DNAJC5: variants seen among roughly 807,000 people sequenced by gnomAD.
The protein encoded by DNAJC5 is DnaJ heat shock protein family (Hsp40) member C5, also known as dnaJ homolog subfamily C member 5.
DNAJC5 carries 1 observed loss-of-function variant against 23.2 expected under a neutral mutation model. The observed-to-expected ratio is 0.04, with a 90% CI of 0.02 to 0.20. The LOEUF is 0.20. Ranked by LOEUF, DNAJC5 falls within the 10% of genes least tolerant of loss-of-function variation. The pLI is 1.00. For missense variants in DNAJC5, 180 were observed against 267.0 expected, an observed-to-expected ratio of 0.67 and a Z score of 2.27; for synonymous variants, 136 against 120.0, an observed-to-expected ratio of 1.13 and a Z score of -0.87.
chr20:63,931,779 GT>G lies in DNAJC5; in HGVS notation c.*218del, dbSNP rs915166976. The G allele has an allele frequency of 3.1e-5, 19 of 614,648 alleles. No individual in the cohort carries two copies. Among genetic ancestry groups the G allele is most frequent in the South Asian group, 2.2e-4 (12 of 54,316 alleles). 38.1% of individuals were successfully genotyped at this position (614,648 alleles called of 1,614,324 possible). Reference sequence around the variant, plus strand: ...TAAAGCAGTGTAGCTACGGTCTTCTGTTTTTTTCCCTTTTTTAATAGCATGT... The same window carrying G: ...TAAAGCAGTGTAGCTACGGTCTTCTGTTTTTTCCCTTTTTTAATAGCATGT... On this transcript the variant is annotated 3_prime_UTR_variant, in exon 5 of 5. Transcript: ENST00000360864. This position sits in a 1 kb window ranked among gnomAD's most constrained non-coding sequence, Gnocchi z 9.6.
At chr20:63,919,462 C>T (rs1364616749) in intron 1 of DNAJC5, 1 of 497,520 alleles carries the variant, frequency 2.0e-6, no homozygotes, top group Non-Finnish European at 4.0e-6. Context: ...GGACATGTGC[C>T]CAGGGCCCGG....
chr20:63,913,732 G>C (rs6062578), intron 1 of DNAJC5, among the ~76,000 whole-genome samples: 52,050 of 151,594 alleles, frequency 0.34, 10,612 homozygotes, highest in East Asian at 0.81. Flanking sequence ...GGGCACCTAC[G>C]ACCACGCCCA....
chr20:63,909,958 T>A (rs1272241282), intron 1 of DNAJC5, among the ~76,000 whole-genome samples: 1 of 152,216 alleles, frequency 6.6e-6, no homozygotes, highest in Non-Finnish European at 1.5e-5. Flanking sequence ...TCTTTCATAT[T>A]TGGGACTGTG....
intron 1 of DNAJC5, among the ~76,000 whole-genome samples, chr20:63,919,014 G>A (rs1252333147): frequency 6.6e-6 from 1 of 152,220 alleles, no homozygotes; most frequent in Admixed American, 6.5e-5. Flanking sequence ...GTTGGCCACA[G>A]TTTTTCCCCA....
intron 1 of DNAJC5, among the ~76,000 whole-genome samples, chr20:63,911,529 C>T (rs1297780993): frequency 6.6e-6 from 1 of 152,162 alleles, no homozygotes. Flanking sequence ...TACTTGGATG[C>T]TTGGTGATGG....
chr20:63,900,986 A>T (rs1295612142), intron 1 of DNAJC5, among the ~76,000 whole-genome samples: 1 of 152,176 alleles, frequency 6.6e-6, no homozygotes, highest in African/African-American at 2.4e-5. Flanking sequence ...TTTGTTTGAG[A>T]CGGAGTCTCG....
At position 63,931,251 on chromosome 20, in the gene DNAJC5, C is replaced by T. The variant is rs539130229; in HGVS notation, c.494-214C>T. On this transcript the variant is annotated intron_variant, in intron 4 of 4. Coordinates refer to ENST00000360864, the MANE Select transcript of DNAJC5 (RefSeq NM_025219.3). The surrounding 1 kb of genome is among the most constrained non-coding windows in gnomAD (Gnocchi z 9.6). ...GCCGTAGATCCCAGGGACTGCGAGGCGGGGCAGGGCGGCAGGCAGTTGGGG... is the reference window on the plus strand; with the variant it reads ...GCCGTAGATCCCAGGGACTGCGAGGTGGGGCAGGGCGGCAGGCAGTTGGGG... The T allele has an allele frequency of 1.2e-4, 92 of 777,052 alleles. No homozygotes were observed. Among genetic ancestry groups the T allele is most frequent in the Non-Finnish European group, 1.6e-4 (74 of 457,190 alleles). 48.1% of individuals were successfully genotyped at this position (777,052 alleles called of 1,614,324 possible). A position where few individuals can be genotyped will look rare whatever the true frequency, so the allele number is the denominator to read the frequency against.
chr20:63,920,282 CAG>C lies in DNAJC5; in HGVS notation c.-11-8052_-11-8051del, dbSNP rs937753520. 7.2e-5 allele frequency among the ~76,000 whole-genome samples: 11 copies of C among 152,348 alleles called. No individual in the cohort carries two copies. The highest frequency in any genetic ancestry group is 1.9e-4 in the African/African-American group (8 of 41,584). On this transcript the variant is annotated intron_variant, in intron 1 of 4. Coordinates refer to ENST00000360864, the MANE Select transcript of DNAJC5 (RefSeq NM_025219.3). This position sits in a 1 kb window ranked among gnomAD's most constrained non-coding sequence, Gnocchi z 4.6. ...GGTGTTGAAGAGACGGCAGGTGCGT[CAG>C]GGGCTGACGTGGGACCCGGCACTCT... is the stretch of plus-strand genomic sequence containing the variant.
intron 1 of DNAJC5, among the ~76,000 whole-genome samples, chr20:63,913,129 T>C (rs1373806494): frequency 1.3e-5 from 1 of 79,810 alleles, no homozygotes; most frequent in Non-Finnish European, 2.2e-5. Context: ...TGGTGCCTTC[T>C]TTGCAGTTCC....
chr20:63,911,498 G>A (rs904080563), intron 1 of DNAJC5, among the ~76,000 whole-genome samples: 2 of 152,176 alleles, frequency 1.3e-5, no homozygotes, highest in African/African-American at 4.8e-5. Context: ...CATGGCTCCA[G>A]CTCAGATTCA....
At chr20:63,927,214 A>C (rs1262410400) in intron 1 of DNAJC5, among the ~76,000 whole-genome samples, 1 of 151,640 alleles carries the variant, frequency 6.6e-6, no homozygotes, top group African/African-American at 2.4e-5. Context: ...AGTTAGAAAC[A>C]ATGTAGAAAC....
At chr20:63,926,117 G>A (rs190357766) in intron 1 of DNAJC5, among the ~76,000 whole-genome samples, 20 of 152,070 alleles carry the variant, frequency 1.3e-4, no homozygotes, top group Non-Finnish European at 2.6e-4. Context: ...CGTGAGCCAC[G>A]GCGCCTGGCC....
At chr20:63,925,408 G>A (rs1455441162) in intron 1 of DNAJC5, among the ~76,000 whole-genome samples, 4 of 152,142 alleles carry the variant, frequency 2.6e-5, no homozygotes, top group Non-Finnish European at 4.4e-5. Flanking sequence ...GCTTGAACCC[G>A]GGAGGCAGAG....
Position 63,931,980 on chromosome 20 carries a change from C to G in DNAJC5, c.*412C>G, listed in dbSNP as rs886056941. The G allele has an allele frequency of 3.0e-6, 1 of 336,496 alleles. No individual in the cohort carries two copies. The highest frequency in any genetic ancestry group is 5.8e-6 in the Non-Finnish European group (1 of 172,048). 20.8% of individuals were successfully genotyped at this position (336,496 alleles called of 1,614,324 possible). ...CCTTTCCTACCTGTGCTTGAGGGGC[C>G]GGAGGCAGGTGCTGCCTGGCAGAGC... On this transcript the variant is annotated 3_prime_UTR_variant, in exon 5 of 5. Transcript: ENST00000360864. The surrounding 1 kb of genome is among the most constrained non-coding windows in gnomAD (Gnocchi z 9.6).
At chr20:63,896,453 C>T (rs998178272) in intron 1 of DNAJC5, among the ~76,000 whole-genome samples, 10 of 152,180 alleles carry the variant, frequency 6.6e-5, no homozygotes, top group Admixed American at 5.9e-4. Context: ...TGGTTGCTGG[C>T]TGTGTGGACT....
chr20:63,905,976 T>C (rs1190027311), intron 1 of DNAJC5, among the ~76,000 whole-genome samples: 1 of 150,000 alleles, frequency 6.7e-6, no homozygotes, highest in Non-Finnish European at 1.5e-5. Flanking sequence ...CCTCAGGTGA[T>C]CCGCCTCAGC....
intron 1 of DNAJC5, among the ~76,000 whole-genome samples, chr20:63,925,496 T>C (rs2053605366): frequency 6.6e-6 from 1 of 150,572 alleles, no homozygotes; most frequent in African/African-American, 2.5e-5. Context: ...AAATAAAAAT[T>C]AGGAAAGGGT....
In DNAJC5 at chr20:63,930,924, G is replaced by A. The variant is rs2053664353; in HGVS notation, c.395G>A (p.Cys132Tyr). The change falls in exon 4 of 5, where the codon TGC becomes TAC. Residue 132 changes from cysteine (C) to tyrosine (Y), a missense_variant. Physicochemically the swap from Cys to Tyr is radical, Grantham distance 194. This residue lies in a region of DNAJC5 where 97 missense variants were observed against 123.4 expected (regional missense o/e 0.79). Transcript: ENST00000360864. ...TGTCTGTGCTGCTGCTTCAACTGCT[G>A]CTGCGGGAAGTGTAAGCCCAAGGCG... Reference protein sequence around the residue: ...CCCLCCCFNCCCGKCKPKAPE... With the variant: ...CCCLCCCFNCYCGKCKPKAPE... 1 of 1,614,054 alleles carries A rather than the reference G, an allele frequency of 6.2e-7. No individual in the cohort carries two copies. Among genetic ancestry groups the A allele is most frequent in the African/African-American group, 1.3e-5 (1 of 74,954 alleles).
rs2146314691 is a variant in DNAJC5, at chr20:63,934,993, G to A, written c.*3425G>A. On this transcript the variant is annotated 3_prime_UTR_variant, in exon 5 of 5. Transcript: ENST00000360864. The stretch of plus-strand genomic sequence containing the variant: ...TCCTACTGTGGGGACATCTCGTGAG[G>A]GGACACGAAATGACTGATCTCACCC... 1 of 152,378 alleles carries A rather than the reference G, an allele frequency of 6.6e-6. No homozygotes were observed. The highest frequency in any genetic ancestry group is 2.4e-5 in the African/African-American group (1 of 41,568). 9.4% of individuals were successfully genotyped at this position (152,378 alleles called of 1,614,324 possible).
Sources: allele counts gnomAD v4.1 joint callset (sites outside exome capture counted in the v4.1 genomes callset), GRCh38; gene constraint gnomAD v4.1.1; regional missense constraint gnomAD v4.1.1; non-coding constraint Gnocchi (gnomAD v3.1); transcripts MANE v1.5; gene names NCBI Gene and HGNC (gene_info 2026-07-23, HGNC 2026-07-21).